SCN10A: variants seen among roughly 807,000 people sequenced by gnomAD.
SCN10A encodes the protein sodium channel protein type 10 subunit alpha.
A neutral mutation model predicts 170.7 loss-of-function variants in SCN10A; 162 were observed. The ratio of observed to expected loss-of-function variants is 0.95; its 90% CI spans 0.84 to 1.08. The LOEUF is 1.08. SCN10A is among the 50% of genes least tolerant of loss of function. The pLI, the probability that SCN10A is intolerant of heterozygous loss-of-function variation, is 0.00. For missense variants in SCN10A, 2,527 were observed against 2,436.9 expected, an observed-to-expected ratio of 1.04 and a Z score of -0.78; for synonymous variants, 985 against 904.6, an observed-to-expected ratio of 1.09 and a Z score of -1.59.
intron 4 of SCN10A, among the ~76,000 whole-genome samples, chr3:38,772,030 CA>C (rs2064006738): frequency 6.6e-6 from 1 of 152,132 alleles, no homozygotes; most frequent in African/African-American, 2.4e-5. Flanking sequence ...TTATGCCATC[CA>C]TTCAATGAGA....
At chr3:38,806,553 G>C (rs542821030) in intron 1 of SCN10A, among the ~76,000 whole-genome samples, 1 of 152,112 alleles carries the variant, frequency 6.6e-6, no homozygotes, top group Non-Finnish European at 1.5e-5. Context: ...TGCTATCTGG[G>C]TCTTTTGAAT....
At chr3:38,793,640 C>A in intron 2 of SCN10A, 101 bp downstream of exon 2, 2 of 1,178,552 alleles carry the variant, frequency 1.7e-6, no homozygotes, top group Non-Finnish European at 2.4e-6. Flanking sequence ...CTTTAGCAGA[C>A]TGCCACATCA....
chr3:38,713,913 C>G, intron 22 of SCN10A, 45 bp downstream of exon 22: 1 of 1,607,266 alleles, frequency 6.2e-7, no homozygotes, highest in Non-Finnish European at 8.5e-7. Flanking sequence ...CAGGCATGAA[C>G]CACCGTGCCT....
At chr3:38,771,227 A>G in intron 5 of SCN10A, 52 bp downstream of exon 5, 1 of 1,598,546 alleles carries the variant, frequency 6.3e-7, no homozygotes, top group Non-Finnish European at 8.5e-7. Context: ...CCTACCCACC[A>G]TTTTGTCCCC....
intron 15 of SCN10A, among the ~76,000 whole-genome samples, chr3:38,734,368 C>A (rs1003187026): frequency 1.2e-4 from 18 of 151,950 alleles, no homozygotes; most frequent in African/African-American, 4.1e-4. Context: ...ACCTTGATAC[C>A]AAAACCTGGC....
chr3:38,749,993 A>T, intron 13 of SCN10A, 80 bp downstream of exon 13: 1 of 761,302 alleles, frequency 1.3e-6, no homozygotes, highest in East Asian at 2.6e-5. Context: ...CTTTGACACG[A>T]GTTAGAGACA....
In SCN10A at chr3:38,712,360, A is replaced by C. The variant is rs978977328; in HGVS notation, c.3890T>G (p.Ile1297Ser). 47 of 1,614,112 alleles carry C rather than the reference A, an allele frequency of 2.9e-5. No homozygotes were observed. Among genetic ancestry groups the C allele is most frequent in the Non-Finnish European group, 3.9e-5 (46 of 1,180,038 alleles). ...VCLIFWLIFS[I>S]MGVNLFAGKF... ...CCCTGCGAAGAGGTTCACACCCATGATGCTGAAGATGAGCCAGAAGATGAG... is the reference window on the plus strand; with the variant it reads ...CCCTGCGAAGAGGTTCACACCCATGCTGCTGAAGATGAGCCAGAAGATGAG... The change falls in exon 23 of 28, where the codon ATC becomes AGC. Residue 1297 changes from isoleucine to serine, a missense_variant. Coordinates refer to ENST00000449082, the MANE Select transcript of SCN10A (RefSeq NM_006514.4).
chr3:38,698,921 T>G (rs11714394), intron 27 of SCN10A, among the ~76,000 whole-genome samples: 30,388 of 152,058 alleles, frequency 0.2, 3,579 homozygotes, highest in African/African-American at 0.32. Context: ...GCCTGTTTTT[T>G]CCTATGACAC....
At position 38,749,207 on chromosome 3, in the gene SCN10A, G is replaced by A. The variant is rs531287695; in HGVS notation, c.1867+866C>T. 2.2e-4 allele frequency among the ~76,000 whole-genome samples: 34 copies of A among 152,240 alleles called. 1 individual carries two copies. Among genetic ancestry groups the A allele is most frequent in the African/African-American group, 7.2e-4 (30 of 41,538 alleles). ...CTCACCACTTCTTCCCCTCAAATTAGGATTCAGCCTAGGGCTGGGAGGAAA... is the reference window on the plus strand; with the variant it reads ...CTCACCACTTCTTCCCCTCAAATTAAGATTCAGCCTAGGGCTGGGAGGAAA... On this transcript the variant is annotated intron_variant, in intron 13 of 27. Coordinates refer to ENST00000449082, the MANE Select transcript of SCN10A (RefSeq NM_006514.4).
intron 1 of SCN10A, among the ~76,000 whole-genome samples, chr3:38,798,975 GT>G (rs2064356258): frequency 6.6e-6 from 1 of 151,540 alleles, no homozygotes; most frequent in Non-Finnish European, 1.5e-5. Flanking sequence ...TTTTGATGGG[GT>G]TTTTCCATGT....
intron 4 of SCN10A, among the ~76,000 whole-genome samples, chr3:38,773,298 T>G (rs1228227796): frequency 1.3e-5 from 2 of 151,898 alleles, no homozygotes; most frequent in Admixed American, 1.3e-4. Flanking sequence ...AGAGAGACTT[T>G]GTCTTAAAAA....
rs2126023739 is a variant in SCN10A at position 38,752,427 on chromosome 3, A to G, written c.1547T>C (p.Leu516Pro). Residue 516 changes from leucine to proline, a missense_variant, in exon 12 of 28, where the codon CTC becomes CCC. Transcript: ENST00000449082. ...TCCATCATCTGTGACTCCCTCAGGG[A>G]GTGAGATATCTCGGCCAGGGGACCG... is the stretch of plus-strand genomic sequence containing the variant. ...HFRSPGRDIS[L>P]PEGVTDDGVF... is the part of the protein sequence containing the mutation. 6.2e-7 allele frequency: 1 copy of G among 1,613,404 alleles called. No homozygotes were observed.
Position 38,742,495 on chromosome 3 carries a change from G to C in SCN10A, c.1902C>G (p.Cys634Trp). 6.2e-7 allele frequency: 1 copy of C among 1,614,158 alleles called. No homozygotes were observed. The highest frequency in any genetic ancestry group is 8.5e-7 in the Non-Finnish European group (1 of 1,180,028). ...LEESEQKCPP[C>W]LTSLSQKYLI... ...GATACTTCTGAGACAAGCTGGTCAA[G>C]CAGGGTGGGCACTTCTGTTCAGACT... is the stretch of plus-strand genomic sequence containing the variant. Residue 634 changes from cysteine to tryptophan, a missense_variant, in exon 14 of 28, where the codon TGC becomes TGG. Physicochemically the swap from Cys to Trp is radical, Grantham distance 215. Transcript: ENST00000449082.
At chr3:38,799,221 C>G (rs2064357786) in intron 1 of SCN10A, among the ~76,000 whole-genome samples, 1 of 152,162 alleles carries the variant, frequency 6.6e-6, no homozygotes, top group Middle Eastern at 3.2e-3. Flanking sequence ...AGGGCCAATG[C>G]TTTCCTTCCC....
intron 15 of SCN10A, among the ~76,000 whole-genome samples, chr3:38,737,793 C>CT (rs1559433808): frequency 4.2e-3 from 170 of 40,042 alleles, no homozygotes; most frequent in African/African-American, 0.018. Context: ...TCCCTCCCTC[C>CT]CTTCCTCTTT....
intron 1 of SCN10A, among the ~76,000 whole-genome samples, chr3:38,795,037 C>T (rs1044589251): frequency 2.6e-5 from 4 of 151,996 alleles, no homozygotes; most frequent in Admixed American, 6.6e-5. Context: ...TCATTTTTTT[C>T]TCTCTCCTTG....
chr3:38,715,530 A>G (rs974947165), intron 21 of SCN10A, among the ~76,000 whole-genome samples: 1 of 152,092 alleles, frequency 6.6e-6, no homozygotes, highest in East Asian at 1.9e-4. Flanking sequence ...ATTCTACCCA[A>G]ATCAAATTGT....
chr3:38,770,945 C>T, intron 5 of SCN10A, among the ~76,000 whole-genome samples: 1 of 152,096 alleles, frequency 6.6e-6, no homozygotes, highest in East Asian at 1.9e-4. Flanking sequence ...TATTTACATT[C>T]CAGGTAAGGG....
In SCN10A at chr3:38,742,329, T is replaced by G; in HGVS notation, c.2068A>C (p.Ser690Arg). The change falls in exon 14 of 28, where the codon AGC (serine) becomes CGC (arginine). Residue 690 changes from serine (S) to arginine (R), a missense_variant. Ser to Arg is a moderately radical substitution (Grantham distance 110). Transcript: ENST00000449082. ...TGGAGCATGGCTTCGAAGGTAGGGC[T>G]CATGCCATGGTGCTCCATGGCCATG... Reference protein sequence around the residue: ...IFMAMEHHGMSPTFEAMLQIG... With the variant: ...IFMAMEHHGMRPTFEAMLQIG... The G allele has an allele frequency of 1.2e-6, 2 of 1,613,842 alleles. No homozygotes were observed. The highest frequency in any genetic ancestry group is 1.7e-6 in the Non-Finnish European group (2 of 1,179,982).
Sources: allele counts gnomAD v4.1 joint callset (sites outside exome capture counted in the v4.1 genomes callset), GRCh38; gene constraint gnomAD v4.1.1; transcripts MANE v1.5; gene names NCBI Gene and HGNC (gene_info 2026-07-23, HGNC 2026-07-21).